ZNF569: variants seen among roughly 807,000 people sequenced by gnomAD.
ZNF569 encodes DNA-binding protein.
In ZNF569, 38 loss-of-function variants were observed where a neutral mutation model predicts 56.3. That is an observed-to-expected ratio of 0.68 (90% confidence interval 0.52 to 0.88). ZNF569 has a LOEUF of 0.88. ZNF569 is among the 40% of genes least tolerant of loss of function. The pLI is 0.00. For missense variants in ZNF569, 666 were observed against 809.2 expected (o/e 0.82, Z 2.15); for synonymous variants, 241 against 262.9 (o/e 0.92, Z 0.81).
At position 37,426,358 on chromosome 19, in the gene ZNF569, A is replaced by T. The variant is rs764048548; in HGVS notation, c.36T>A (p.Asp12Glu). 1 of 1,611,346 alleles carries T rather than the reference A, an allele frequency of 6.2e-7. No individual in the cohort carries two copies. ...CCTCCTGAGTGAAGTCGATAGCCAC[A>T]TCTTTGAATGTTACTGTTCCCTGTA... ...TESQGTVTFK[D>E]VAIDFTQEEW... The change falls in exon 4 of 6, where the codon GAT (aspartate) becomes GAA (glutamate). Residue 12 changes from aspartate (D) to glutamate (E), a missense_variant. Asp to Glu is a conservative substitution (Grantham distance 45). Transcript: ENST00000316950.
rs1185117847 is a variant in ZNF569 at position 37,413,125 on chromosome 19, T to G, written c.1533A>C (p.Thr511=). Residue 511 remains threonine (T), a synonymous_variant, in exon 6 of 6, where the codon ACA becomes ACC. Transcript: ENST00000316950. ...KAFSQKQNFI[T]HQKVHTGEKP... is the part of the protein sequence containing the mutation. ...TCTCTCCAGTATGAACTTTTTGATGTGTAATGAAGTTTTGCTTTTGGCTGA... is the reference window on the plus strand; with the variant it reads ...TCTCTCCAGTATGAACTTTTTGATGGGTAATGAAGTTTTGCTTTTGGCTGA... The G allele has an allele frequency of 5.0e-6, 8 of 1,610,414 alleles. No individual in the cohort carries two copies. Among genetic ancestry groups the G allele is most frequent in the Non-Finnish European group, 5.1e-6 (6 of 1,178,736 alleles).
At chr19:37,457,313 A>T (rs144719785) in intron 2 of ZNF569, among the ~76,000 whole-genome samples, 2 of 152,186 alleles carry the variant, frequency 1.3e-5, no homozygotes, top group African/African-American at 4.8e-5. Flanking sequence ...CGAGAATTCT[A>T]TACTTATAAA....
chr19:37,412,770 CT>C lies in ZNF569; in HGVS notation c.1887del (p.Gly630ValfsTer24). On this transcript the variant is annotated frameshift_variant, in exon 6 of 6. Coordinates refer to ENST00000316950, the MANE Select transcript of ZNF569 (RefSeq NM_152484.3). LOFTEE classifies it high-confidence loss of function. ...SSLTIHIRGHTGEKPFDCSKC... is the reference protein window; with the variant it reads ...SSLTIHIRGHXGEKPFDCSKC... ...TTACTACAGTCGAAGGGTTTCTCAC[CT>C]GTATGTCCTCGTATATGTATAGTAA... The C allele has an allele frequency of 3.7e-6, 6 of 1,614,006 alleles. No individual in the cohort carries two copies. Among genetic ancestry groups the C allele is most frequent in the Non-Finnish European group, 5.1e-6 (6 of 1,179,940 alleles).
At chr19:37,469,018 G>A (rs922606297), upstream of ZNF569, 4 of 981,970 alleles carry the variant, frequency 4.1e-6, no homozygotes, top group South Asian at 9.3e-5. Context: ...TCAACTCCCC[G>A]CCCTGGTTGC....
chr19:37,443,723 C>T (rs149085034), intron 3 of ZNF569, among the ~76,000 whole-genome samples: 74 of 151,858 alleles, frequency 4.9e-4, no homozygotes, highest in African/African-American at 1.7e-3. Flanking sequence ...TTTAAATTTA[C>T]GGGCCGGGCG....
At chr19:37,460,212 G>C (rs769566121) in intron 2 of ZNF569, among the ~76,000 whole-genome samples, 1 of 152,060 alleles carries the variant, frequency 6.6e-6, no homozygotes, top group Non-Finnish European at 1.5e-5. Flanking sequence ...GCAGTGGAAC[G>C]ATCTTGGCTG....
chr19:37,466,798 G>A (rs1010690041), intron 1 of ZNF569: 3 of 152,262 alleles, frequency 2.0e-5, no homozygotes, highest in African/African-American at 7.2e-5. Context: ...TTGCACGCAG[G>A]TTCATACTGA....
intron 5 of ZNF569, among the ~76,000 whole-genome samples, chr19:37,423,793 A>C (rs2041077743): frequency 6.6e-6 from 1 of 152,180 alleles, no homozygotes; most frequent in Admixed American, 6.5e-5. Flanking sequence ...GCTTGCCTTC[A>C]CTCATCATAA....
intron 2 of ZNF569, among the ~76,000 whole-genome samples, chr19:37,456,523 CAG>C (rs1312370817): frequency 1.3e-5 from 2 of 152,134 alleles, no homozygotes; most frequent in Non-Finnish European, 2.9e-5. Context: ...CATTAAGTCA[CAG>C]AGCTCTCCAT....
chr19:37,441,015 T>C (rs1002175707), intron 3 of ZNF569, among the ~76,000 whole-genome samples: 2 of 152,178 alleles, frequency 1.3e-5, no homozygotes, highest in Non-Finnish European at 2.9e-5. Flanking sequence ...TCCAAACACG[T>C]TTAACCAGTA....
At chr19:37,461,694 A>G (rs1022259374) in intron 2 of ZNF569, among the ~76,000 whole-genome samples, 2 of 151,968 alleles carry the variant, frequency 1.3e-5, no homozygotes, top group Non-Finnish European at 2.9e-5. Context: ...TGATTCTACT[A>G]ATTTTTTACT....
At chr19:37,434,156 T>TAGGC (rs2041269563) in intron 3 of ZNF569, among the ~76,000 whole-genome samples, 1 of 151,688 alleles carries the variant, frequency 6.6e-6, no homozygotes, top group Non-Finnish European at 1.5e-5. Context: ...AAAAATTAGC[T>TAGGC]AGGCATGGTG....
At chr19:37,467,527 C>G (rs2041868457), upstream of ZNF569, 2 of 291,502 alleles carry the variant, frequency 6.9e-6, no homozygotes. Flanking sequence ...TTACAGTCGG[C>G]TGGAGCTGCA....
Position 37,454,957 on chromosome 19 carries a change from C to T in ZNF569, c.-43-9993G>A, listed in dbSNP as rs1011182850. 7.4e-6 allele frequency: 5 copies of T among 677,690 alleles called. No individual in the cohort carries two copies. In the Admixed American group the frequency reaches 9.3e-5, roughly 13 times the overall value. 42.0% of individuals were successfully genotyped at this position (677,690 alleles called of 1,614,324 possible). On this transcript the variant is annotated intron_variant, in intron 2 of 5. Transcript: ENST00000316950. ...TTGGTTGCCCTGTGACCTCAGTTCTCTGAAGGGTCCTAGAAAAATTATTTT... is the reference window on the plus strand; with the variant it reads ...TTGGTTGCCCTGTGACCTCAGTTCTTTGAAGGGTCCTAGAAAAATTATTTT...
At chr19:37,418,451 A>G (rs1224628694) in intron 5 of ZNF569, among the ~76,000 whole-genome samples, 1 of 152,198 alleles carries the variant, frequency 6.6e-6, no homozygotes, top group Non-Finnish European at 1.5e-5. Context: ...GAAGACAAAG[A>G]CCATAACAGA....
At chr19:37,464,500 C>T (rs932606588) in intron 2 of ZNF569, among the ~76,000 whole-genome samples, 3 of 152,152 alleles carry the variant, frequency 2.0e-5, no homozygotes, top group Non-Finnish European at 4.4e-5. Context: ...TTATATACTG[C>T]ATTTTCACTG....
chr19:37,463,562 CTG>C (rs2146981326), intron 2 of ZNF569, among the ~76,000 whole-genome samples: 1 of 152,228 alleles, frequency 6.6e-6, no homozygotes, highest in African/African-American at 2.4e-5. Flanking sequence ...TAATAAATGA[CTG>C]TTACTGCTTT....
rs2041859320 is a variant in ZNF569, at chr19:37,467,245, C to G, written c.-366G>C. 6.6e-6 allele frequency: 1 copy of G among 152,436 alleles called. No individual in the cohort carries two copies. Among genetic ancestry groups the G allele is most frequent in the Non-Finnish European group, 1.5e-5 (1 of 68,222 alleles). 9.4% of individuals were successfully genotyped at this position (152,436 alleles called of 1,614,324 possible). ...CACCAGGGGCGACGCTTCCCAGAGG[C>G]CCCCGCGGCTCACCCGGGCGGGACT... On this transcript the variant is annotated 5_prime_UTR_variant, in exon 1 of 6. Coordinates refer to ENST00000316950, the MANE Select transcript of ZNF569 (RefSeq NM_152484.3).
chr19:37,467,092 C>G lies in ZNF569; in HGVS notation c.-213G>C, dbSNP rs1342573246. On this transcript the variant is annotated 5_prime_UTR_variant, in exon 1 of 6. Transcript: ENST00000316950. ...GTTTCCCGAGGACTCACCACCAAGC[C>G]CGCGGACACAGGCCCCGATTCCACA... 1 of 152,300 alleles carries G rather than the reference C, an allele frequency of 6.6e-6. No homozygotes were observed. The highest frequency in any genetic ancestry group is 2.4e-5 in the African/African-American group (1 of 41,458). 9.4% of individuals were successfully genotyped at this position (152,300 alleles called of 1,614,324 possible).
Sources: gnomAD v4.1 joint callset for allele counts (sites outside exome capture counted in the v4.1 genomes callset) on GRCh38, gnomAD v4.1.1 for gene constraint, MANE v1.5 for transcripts, NCBI Gene and HGNC (gene_info 2026-07-23, HGNC 2026-07-21) for gene names.